The following CNTNAP2 variants were observed in gnomAD, a reference collection of about 807,000 sequenced individuals.
CNTNAP2 encodes the protein contactin-associated protein-like 2.
A neutral mutation model predicts 155.2 loss-of-function variants in CNTNAP2; 98 were observed. The observed-to-expected ratio is 0.63, with a 90% CI of 0.54 to 0.75. The LOEUF is 0.75. CNTNAP2 is among the 30% of genes least tolerant of loss of function. CNTNAP2 has a pLI of 0.00. For synonymous variants in CNTNAP2, 651 were observed against 631.2 expected (o/e 1.03, Z -0.47); for missense variants, 1,727 against 1,688.1 (o/e 1.02, Z -0.40).
chr7:147,064,032 A>G (rs1799733276), intron 4 of CNTNAP2, among the ~76,000 whole-genome samples: 1 of 152,158 alleles, frequency 6.6e-6, no homozygotes, highest in Non-Finnish European at 1.5e-5. Context: ...CGAAATCAAT[A>G]TAAAATATGT....
intron 3 of CNTNAP2, among the ~76,000 whole-genome samples, chr7:146,889,949 G>A (rs138542048): frequency 2.6e-5 from 4 of 151,988 alleles, no homozygotes; most frequent in East Asian, 3.9e-4. Context: ...TTTCTTTCTC[G>A]TCCTCATTAG....
intron 1 of CNTNAP2, among the ~76,000 whole-genome samples, chr7:146,712,151 A>G (rs182305485): frequency 3.1e-4 from 40 of 127,872 alleles, no homozygotes; most frequent in Non-Finnish European, 4.6e-4. Context: ...ACTATATAGT[A>G]TACATATCTT....
intron 3 of CNTNAP2, among the ~76,000 whole-genome samples, chr7:147,003,871 A>AT (rs762509812): frequency 7.2e-4 from 110 of 152,026 alleles, no homozygotes; most frequent in Non-Finnish European, 1.2e-3. Context: ...TTTACAAATA[A>AT]TTTTTTAAAA....
intron 10 of CNTNAP2, among the ~76,000 whole-genome samples, chr7:147,477,149 A>G: frequency 6.6e-6 from 1 of 152,078 alleles, no homozygotes; most frequent in Non-Finnish European, 1.5e-5. Context: ...AAGGCTAAAT[A>G]TTTTTTTGGG....
intron 13 of CNTNAP2, among the ~76,000 whole-genome samples, chr7:147,830,812 T>C (rs866665482): frequency 1.1e-4 from 16 of 152,354 alleles, no homozygotes; most frequent in Middle Eastern, 6.8e-3. Context: ...TACGTTACTT[T>C]TTCTTCTCAG....
intron 1 of CNTNAP2, among the ~76,000 whole-genome samples, chr7:146,233,711 C>T (rs1342333438): frequency 4.0e-5 from 6 of 151,814 alleles, no homozygotes; most frequent in South Asian, 2.1e-4. Flanking sequence ...TGAGAATATG[C>T]GGTGTTTGGT....
intron 3 of CNTNAP2, among the ~76,000 whole-genome samples, chr7:146,906,440 C>T (rs553305600): frequency 8.2e-4 from 125 of 152,188 alleles, no homozygotes; most frequent in East Asian, 4.9e-3. Flanking sequence ...TCTCCCAGCA[C>T]GCAGCTGGAG....
At chr7:146,813,997 T>G (rs899921458) in intron 2 of CNTNAP2, among the ~76,000 whole-genome samples, 2 of 152,132 alleles carry the variant, frequency 1.3e-5, no homozygotes, top group African/African-American at 4.8e-5. Context: ...CCATCATAAT[T>G]GTAAGTTTCC....
chr7:148,168,521 A>G (rs1183041709), intron 17 of CNTNAP2, among the ~76,000 whole-genome samples: 1 of 137,418 alleles, frequency 7.3e-6, no homozygotes, highest in African/African-American at 2.8e-5. Flanking sequence ...ATGAGAACAC[A>G]TGGACACAGG....
Position 147,080,791 on chromosome 7 carries a change from T to C in CNTNAP2, c.551-27356T>C, listed in dbSNP as rs1800109519. The stretch of plus-strand genomic sequence containing the variant: ...TGCCTCATGTCAATTAGAATCAGTC[T>C]CCCCCTTTGATTCCAGTCAATTCAA... On this transcript the variant is annotated intron_variant, in intron 4 of 23. Coordinates refer to ENST00000361727, the MANE Select transcript of CNTNAP2 (RefSeq NM_014141.6). 4 of 151,268 alleles carry C rather than the reference T, an allele frequency of 2.6e-5. No homozygotes were observed. The South Asian group carries it at 8.3e-4, about 32-fold the overall frequency. 9.4% of individuals were successfully genotyped at this position (151,268 alleles called of 1,614,324 possible). A position where few individuals can be genotyped will look rare whatever the true frequency, so the allele number is the denominator to read the frequency against.
At chr7:146,322,246 C>T (rs1450991394) in intron 1 of CNTNAP2, among the ~76,000 whole-genome samples, 2 of 152,118 alleles carry the variant, frequency 1.3e-5, no homozygotes, top group Non-Finnish European at 2.9e-5. Context: ...CTGAAACAGC[C>T]AGTATTTGCA....
intron 15 of CNTNAP2, among the ~76,000 whole-genome samples, chr7:148,055,350 T>C (rs1410165161): frequency 1.3e-5 from 2 of 152,176 alleles, no homozygotes; most frequent in Non-Finnish European, 2.9e-5. Flanking sequence ...ATCTCAGCAA[T>C]AGCTTATAGG....
chr7:146,938,261 C>T (rs576497945), intron 3 of CNTNAP2, among the ~76,000 whole-genome samples: 77 of 151,868 alleles, frequency 5.1e-4, no homozygotes, highest in African/African-American at 1.6e-3. Flanking sequence ...TTCCCCTTGG[C>T]GTAATAAATT....
intron 12 of CNTNAP2, among the ~76,000 whole-genome samples, chr7:147,621,287 C>G (rs1421296427): frequency 6.6e-6 from 1 of 151,938 alleles, no homozygotes; most frequent in African/African-American, 2.4e-5. Flanking sequence ...AAGAAATCAC[C>G]TGAAAGTACA....
chr7:148,395,904 A>T (rs1799456631), intron 22 of CNTNAP2, among the ~76,000 whole-genome samples: 1 of 152,116 alleles, frequency 6.6e-6, no homozygotes. Context: ...AATTTCTTTC[A>T]TTCCTAATTT....
intron 2 of CNTNAP2, among the ~76,000 whole-genome samples, chr7:146,801,489 T>C (rs1036507281): frequency 3.9e-5 from 6 of 152,156 alleles, no homozygotes; most frequent in African/African-American, 1.4e-4. Flanking sequence ...TTTCTCCACA[T>C]GTTGAAAGAT....
At chr7:148,114,084 T>G (rs1300525116) in intron 15 of CNTNAP2, among the ~76,000 whole-genome samples, 1 of 152,162 alleles carries the variant, frequency 6.6e-6, no homozygotes, top group Non-Finnish European at 1.5e-5. Context: ...TCACTTTACC[T>G]CCATAGCACT....
At chr7:148,341,467 AATTAACT>A (rs1364260570) in intron 21 of CNTNAP2, among the ~76,000 whole-genome samples, 2 of 152,176 alleles carry the variant, frequency 1.3e-5, no homozygotes, top group African/African-American at 4.8e-5. Context: ...TAACTATAAT[AATTAACT>A]ATTAAGTATT....
At chr7:146,843,173 C>A (rs1260661079) in intron 3 of CNTNAP2, among the ~76,000 whole-genome samples, 1 of 131,932 alleles carries the variant, frequency 7.6e-6, no homozygotes, top group Non-Finnish European at 1.6e-5. Flanking sequence ...CCACCGCGCC[C>A]AGCTAATTTT....
Sources: gnomAD v4.1 joint callset for allele counts (sites outside exome capture counted in the v4.1 genomes callset) on GRCh38, gnomAD v4.1.1 for gene constraint, MANE v1.5 for transcripts, NCBI Gene and HGNC (gene_info 2026-07-23, HGNC 2026-07-21) for gene names.